Variants in CABLES1 observed in about 807,000 individuals in gnomAD.
CABLES1 encodes CDK5 and ABL1 enzyme substrate 1.
In CABLES1, 36 loss-of-function variants were observed where a neutral mutation model predicts 57.8. That is an observed-to-expected ratio of 0.62 (90% CI 0.48 to 0.82). The LOEUF is 0.82. Among genes scored for constraint, CABLES1 ranks in the 40% least tolerant of loss-of-function variants. The pLI is 0.00. For synonymous variants in CABLES1, 374 were observed against 363.0 expected, an observed-to-expected ratio of 1.03 and a Z score of -0.35; for missense variants, 767 against 836.6, an observed-to-expected ratio of 0.92 and a Z score of 1.03.
chr18:23,256,796 T>C (rs1378098537), intron 9 of CABLES1, among the ~76,000 whole-genome samples: 1 of 152,188 alleles, frequency 6.6e-6, no homozygotes, highest in African/African-American at 2.4e-5. Context: ...TTATTTTCAG[T>C]CTTCCCTTTA....
chr18:23,141,529 C>T (rs953360237), intron 1 of CABLES1, among the ~76,000 whole-genome samples: 4 of 152,232 alleles, frequency 2.6e-5, no homozygotes, highest in Non-Finnish European at 5.9e-5. Context: ...ACTTTGATCT[C>T]AGCAGTAAGC....
At chr18:23,159,171 G>T (rs937868846) in intron 1 of CABLES1, among the ~76,000 whole-genome samples, 2 of 152,202 alleles carry the variant, frequency 1.3e-5, no homozygotes, top group African/African-American at 2.4e-5. Context: ...CGCCATGTTG[G>T]CCAGGCTGCT....
rs140138235 is a variant in CABLES1, at chr18:23,196,566, G to A, written c.1010+2026G>A. Reference sequence around the variant, plus strand: ...GACATGACCCAGCCTTTCGAGAGAGGAATGCAGAAGCTCTGCCCCACAGCA... The same window carrying A: ...GACATGACCCAGCCTTTCGAGAGAGAAATGCAGAAGCTCTGCCCCACAGCA... On this transcript the variant is annotated intron_variant, in intron 3 of 9. Transcript: ENST00000256925. 4.9e-4 allele frequency among the ~76,000 whole-genome samples: 75 copies of A among 152,318 alleles called. 3 individuals carry two copies. In the East Asian group the frequency reaches 0.014, roughly 28 times the overall value.
intron 3 of CABLES1, among the ~76,000 whole-genome samples, chr18:23,210,899 C>G (rs1020739521): frequency 6.6e-6 from 1 of 152,022 alleles, no homozygotes; most frequent in Non-Finnish European, 1.5e-5. Context: ...GTGTGATACT[C>G]CCTCCTCCCT....
Position 23,237,235 on chromosome 18 carries a change from C to T in CABLES1, c.1436C>T (p.Pro479Leu). ...CGKHKRVLIF[P>L]SYMTTVIDYV... ...AAACACAAACGCGTTCTGATCTTCC[C>T]TTCCTACATGGTGAGTAGCGTGGAA... The change falls in exon 7 of 10, where the codon CCT (proline) becomes CTT (leucine). Residue 479 changes from proline (P) to leucine (L), a missense_variant. Physicochemically the swap from Pro to Leu is moderately conservative, Grantham distance 98 (BLOSUM62 -3). This residue lies in a region of CABLES1 where 529 missense variants were observed against 622.8 expected (regional missense o/e 0.85). Coordinates refer to ENST00000256925, the MANE Select transcript of CABLES1 (RefSeq NM_001100619.3). 6.2e-7 allele frequency: 1 copy of T among 1,607,396 alleles called. No individual in the cohort carries two copies. The highest frequency in any genetic ancestry group is 8.5e-7 in the Non-Finnish European group (1 of 1,173,852).
intron 1 of CABLES1, among the ~76,000 whole-genome samples, chr18:23,157,392 T>A (rs533931440): frequency 6.6e-6 from 1 of 152,310 alleles, no homozygotes; most frequent in Admixed American, 6.5e-5. Context: ...ATCTGCTTTC[T>A]CTTTTACAAA....
chr18:23,230,708 C>G (rs1472139863), intron 4 of CABLES1, among the ~76,000 whole-genome samples: 1 of 152,136 alleles, frequency 6.6e-6, no homozygotes. Context: ...GAACTGTAAA[C>G]CCCCCTTCTA....
chr18:23,223,702 T>C (rs1363309484), intron 4 of CABLES1, among the ~76,000 whole-genome samples: 3 of 151,712 alleles, frequency 2.0e-5, no homozygotes, highest in Non-Finnish European at 2.9e-5. Flanking sequence ...CTGAAGCCCC[T>C]GCCTGCATCC....
At chr18:23,176,992 C>T (rs1399526481) in intron 1 of CABLES1, among the ~76,000 whole-genome samples, 2 of 152,114 alleles carry the variant, frequency 1.3e-5, no homozygotes, top group South Asian at 2.1e-4. Flanking sequence ...AAGTTAGCTC[C>T]GTTCTCTCCT....
At chr18:23,178,326 C>A (rs1051126233) in intron 1 of CABLES1, among the ~76,000 whole-genome samples, 2 of 152,164 alleles carry the variant, frequency 1.3e-5, no homozygotes, top group African/African-American at 4.8e-5. Flanking sequence ...TGGGACGAGG[C>A]CAAGTATGAA....
At chr18:23,151,313 G>A (rs760569443) in intron 1 of CABLES1, among the ~76,000 whole-genome samples, 51 of 151,712 alleles carry the variant, frequency 3.4e-4, no homozygotes, top group Admixed American at 2.0e-3. Flanking sequence ...CCACTGTGCC[G>A]GGCCTCCCTG....
chr18:23,187,030 G>C (rs537091425), intron 1 of CABLES1, among the ~76,000 whole-genome samples: 1 of 152,318 alleles, frequency 6.6e-6, no homozygotes, highest in African/African-American at 2.4e-5. Flanking sequence ...TGTCACAGGG[G>C]TCTAGGCAAG....
Position 23,135,977 on chromosome 18 carries a change from T to C in CABLES1, c.215T>C (p.Ile72Thr). The change falls in exon 1 of 10, where the codon ATC becomes ACC. Residue 72 changes from isoleucine to threonine, a missense_variant. This residue lies in a region of CABLES1 where 198 missense variants were observed against 149.7 expected (regional missense o/e 1.32). Transcript: ENST00000256925. ...RQAALSFLTN[I>T]SLDGRLPPQD... The stretch of plus-strand genomic sequence containing the variant: ...GCTGCCCTCTCCTTCCTCACCAACA[T>C]CTCGCTGGACGGCCGGCTGCCGCCG... The C allele has an allele frequency of 8.8e-7, 1 of 1,138,110 alleles. No homozygotes were observed. Among genetic ancestry groups the C allele is most frequent in the African/African-American group, 1.6e-5 (1 of 61,192 alleles). 70.5% of individuals were successfully genotyped at this position (1,138,110 alleles called of 1,614,324 possible).
chr18:23,257,647 C>CCAGCCCAGT lies in CABLES1; in HGVS notation c.*282_*290dup, dbSNP rs2048200069. On this transcript the variant is annotated 3_prime_UTR_variant, in exon 10 of 10. Coordinates refer to ENST00000256925, the MANE Select transcript of CABLES1 (RefSeq NM_001100619.3). ...CCACTAGCGAGAATCCCTAGCTGCC[C>CCAGCCCAGT]CAGCCCAGTCTTTCTCCCCGGCATT... 3 of 317,972 alleles carry CCAGCCCAGT rather than the reference C, an allele frequency of 9.4e-6. No homozygotes were observed. Among genetic ancestry groups the CCAGCCCAGT allele is most frequent in the Non-Finnish European group, 1.7e-5 (3 of 177,776 alleles). 19.7% of individuals were successfully genotyped at this position (317,972 alleles called of 1,614,324 possible).
intron 3 of CABLES1, among the ~76,000 whole-genome samples, chr18:23,205,100 G>T (rs938682384): frequency 1.3e-5 from 2 of 151,848 alleles, no homozygotes; most frequent in Non-Finnish European, 2.9e-5. Flanking sequence ...CTCAGGGCTG[G>T]ACCACACTTC....
At chr18:23,231,226 T>TGAA (rs1598842756) in intron 4 of CABLES1, among the ~76,000 whole-genome samples, 1 of 152,246 alleles carries the variant, frequency 6.6e-6, no homozygotes, top group East Asian at 1.9e-4. Flanking sequence ...GCAAAAGTCC[T>TGAA]GCCAAGGAAG....
intron 3 of CABLES1, among the ~76,000 whole-genome samples, chr18:23,202,352 T>C (rs1271526651): frequency 6.6e-6 from 1 of 152,200 alleles, no homozygotes; most frequent in Non-Finnish European, 1.5e-5. Flanking sequence ...TGGTCACAAA[T>C]GTCCAAGCAA....
intron 1 of CABLES1, among the ~76,000 whole-genome samples, chr18:23,154,512 C>T (rs761858742): frequency 1.3e-5 from 2 of 152,150 alleles, no homozygotes; most frequent in African/African-American, 4.8e-5. Flanking sequence ...ATTTAACAAT[C>T]GGGTGCCTCG....
At chr18:23,214,986 AGCT>A (rs1327501268) in intron 4 of CABLES1, among the ~76,000 whole-genome samples, 7 of 152,192 alleles carry the variant, frequency 4.6e-5, no homozygotes, top group Non-Finnish European at 1.5e-5. Flanking sequence ...CAAGGTCCTT[AGCT>A]GCACTCTTCA....
Sources: gnomAD v4.1 joint callset for allele counts (sites outside exome capture counted in the v4.1 genomes callset) on GRCh38, gnomAD v4.1.1 for gene constraint, gnomAD v4.1.1 regional missense constraint, MANE v1.5 for transcripts, NCBI Gene and HGNC (gene_info 2026-07-23, HGNC 2026-07-21) for gene names.